NDUFAF6: variants seen among roughly 807,000 people sequenced by gnomAD.
NDUFAF6 encodes the protein NADH dehydrogenase (ubiquinone) complex I, assembly factor 6.
A neutral mutation model predicts 40.8 loss-of-function variants in NDUFAF6; 45 were observed. The observed-to-expected ratio is 1.10, with a 90% CI of 0.87 to 1.42. NDUFAF6 has a LOEUF of 1.42. Among genes scored for constraint, NDUFAF6 ranks in the 40% most tolerant of loss-of-function variants. NDUFAF6 has a pLI of 0.00. For synonymous variants in NDUFAF6, 185 were observed against 155.9 expected (o/e 1.19, Z -1.39); for missense variants, 435 against 418.5 (o/e 1.04, Z -0.34).
intron 2 of NDUFAF6, among the ~76,000 whole-genome samples, chr8:94,996,262 G>A (rs752458161): frequency 6.6e-6 from 1 of 152,114 alleles, no homozygotes; most frequent in Non-Finnish European, 1.5e-5. Context: ...CTCTTTTTCT[G>A]GAAATGCCCT....
At chr8:95,033,233 C>CA (rs1032859615) in intron 2 of NDUFAF6, among the ~76,000 whole-genome samples, 11 of 151,906 alleles carry the variant, frequency 7.2e-5, no homozygotes, top group African/African-American at 2.7e-4. Context: ...TTTTTAGAGA[C>CA]AGAGTCTTGC....
intron 4 of NDUFAF6, among the ~76,000 whole-genome samples, chr8:95,114,669 C>CCCGG (rs1554693749): frequency 6.6e-6 from 1 of 152,168 alleles, no homozygotes; most frequent in Non-Finnish European, 1.5e-5. Flanking sequence ...TCTATAATCT[C>CCCGG]TTTCATTCAC....
intron 2 of NDUFAF6, among the ~76,000 whole-genome samples, chr8:94,991,659 C>A (rs1023914529): frequency 6.6e-6 from 1 of 151,996 alleles, no homozygotes; most frequent in African/African-American, 2.4e-5. Flanking sequence ...GAAATATAAG[C>A]AAATTAAATA....
intron 1 of NDUFAF6, among the ~76,000 whole-genome samples, chr8:94,938,149 C>G (rs1415142315): frequency 6.6e-6 from 1 of 152,182 alleles, no homozygotes; most frequent in Non-Finnish European, 1.5e-5. Context: ...AAGGGTGAAG[C>G]TACGTGTTTG....
chr8:95,002,963 T>C lies in NDUFAF6; in HGVS notation c.-84+21990T>C, dbSNP rs373432955. 7.2e-5 allele frequency among the ~76,000 whole-genome samples: 11 copies of C among 152,314 alleles called. No homozygotes were observed. In the East Asian group the frequency reaches 9.6e-4, roughly 13 times the overall value. ...GTGGTTAGAAGGCATTGCGTGGAAA[T>C]TGGCCACAGACAACTTCTGGCTTAC... is the stretch of plus-strand genomic sequence containing the variant. On this transcript the variant is annotated intron_variant, in intron 2 of 9. Coordinates refer to the NDUFAF6 transcript ENST00000396111.
chr8:95,009,033 C>A (rs1457533752), intron 2 of NDUFAF6, among the ~76,000 whole-genome samples: 1 of 151,336 alleles, frequency 6.6e-6, no homozygotes, highest in Non-Finnish European at 1.5e-5. Flanking sequence ...CCCATCTCTA[C>A]CAAAAAAGAA....
intron 2 of NDUFAF6, among the ~76,000 whole-genome samples, chr8:95,084,575 A>T (rs1808978648): frequency 6.6e-6 from 1 of 152,186 alleles, no homozygotes; most frequent in Admixed American, 6.5e-5. Flanking sequence ...ATTTGGCTAA[A>T]ACACATTGGC....
upstream of NDUFAF6, among the ~76,000 whole-genome samples, chr8:94,957,751 T>C (rs981473611): frequency 2.6e-5 from 4 of 152,190 alleles, no homozygotes; most frequent in African/African-American, 9.6e-5. Flanking sequence ...ATTCACTCAT[T>C]ATTCATGAAG....
At chr8:94,982,596 G>A (rs1218269881) in intron 2 of NDUFAF6, among the ~76,000 whole-genome samples, 2 of 152,196 alleles carry the variant, frequency 1.3e-5, no homozygotes, top group South Asian at 2.1e-4. Context: ...CTGATTCCAG[G>A]TTTACCAAGC....
At chr8:95,047,934 C>T (rs1260310455) in intron 6 of NDUFAF6, among the ~76,000 whole-genome samples, 6 of 151,982 alleles carry the variant, frequency 3.9e-5, no homozygotes, top group South Asian at 2.1e-4. Context: ...TGGCCAGGTG[C>T]GGTGACTCAT....
Position 95,047,076 on chromosome 8 carries a change from A to G in NDUFAF6, c.663A>G (p.Pro221=), listed in dbSNP as rs193102273. Residue 221 remains proline (P), a synonymous_variant, in exon 6 of 9, where the codon CCA becomes CCG. Coordinates refer to ENST00000396124, the MANE Select transcript of NDUFAF6 (RefSeq NM_152416.4). ...TTGTCACTTGCTTGAGAGCAACACC[A>G]TATCATGGGAGCAGAAGAAAGGTGT... ...QGIVTCLRAT[P]YHGSRRKVFL... 2.2e-3 allele frequency: 3,576 copies of G among 1,614,192 alleles called. 7 individuals carry two copies. Among genetic ancestry groups the G allele is most frequent in the Non-Finnish European group, 2.7e-3 (3,224 of 1,180,022 alleles).
intron 9 of NDUFAF6, chr8:95,066,682 CCTT>C (rs1270648586): frequency 2.0e-5 from 3 of 152,014 alleles, no homozygotes; most frequent in African/African-American, 2.4e-5. Context: ...TTGTTTTCCT[CCTT>C]CTCCCTCTTC....
chr8:95,055,048 T>G (rs1831951128), intron 8 of NDUFAF6, among the ~76,000 whole-genome samples: 4 of 152,202 alleles, frequency 2.6e-5, no homozygotes, highest in Non-Finnish European at 1.5e-5. Context: ...AGCCAGACTT[T>G]CCTTTGAACC....
intron 1 of NDUFAF6, among the ~76,000 whole-genome samples, chr8:94,914,872 T>C (rs1400682157): frequency 6.6e-6 from 1 of 152,110 alleles, no homozygotes; most frequent in African/African-American, 2.4e-5. Flanking sequence ...GAACCACATA[T>C]ACATAGAGGT....
chr8:95,097,488 A>G (rs983782683), upstream of NDUFAF6, among the ~76,000 whole-genome samples: 2 of 152,212 alleles, frequency 1.3e-5, no homozygotes, highest in African/African-American at 4.8e-5. Context: ...ATCTGAGGTC[A>G]GGAGTTTGAG....
intron 2 of NDUFAF6, among the ~76,000 whole-genome samples, chr8:95,033,488 A>G (rs1356039874): frequency 6.6e-6 from 1 of 152,224 alleles, no homozygotes; most frequent in Non-Finnish European, 1.5e-5. Flanking sequence ...GATTGAATGC[A>G]GAGACTTTAC....
downstream of NDUFAF6, among the ~76,000 whole-genome samples, chr8:95,076,797 C>T (rs542709172): frequency 1.1e-4 from 16 of 148,840 alleles, no homozygotes; most frequent in African/African-American, 3.2e-4. Flanking sequence ...TGCTTGAACC[C>T]GGGAGGCAGG....
chr8:95,032,785 TGGTAGGAA>T (rs1829010374), intron 2 of NDUFAF6, among the ~76,000 whole-genome samples: 1 of 152,144 alleles, frequency 6.6e-6, no homozygotes, highest in Admixed American at 6.5e-5. Flanking sequence ...TCAGGGAATA[TGGTAGGAA>T]GTGAACAAGG....
chr8:95,114,413 T>C (rs2132090353), intron 4 of NDUFAF6, among the ~76,000 whole-genome samples: 1 of 152,342 alleles, frequency 6.6e-6, no homozygotes, highest in Admixed American at 6.5e-5. Context: ...TAAGTGACTT[T>C]CCTGTGATTT....
Sources: allele counts gnomAD v4.1 joint callset (sites outside exome capture counted in the v4.1 genomes callset), GRCh38; gene constraint gnomAD v4.1.1; transcripts MANE v1.5; gene names NCBI Gene and HGNC (gene_info 2026-07-23, HGNC 2026-07-21).